The following PIP5K1C variants were observed in gnomAD, a reference collection of about 807,000 sequenced individuals.
The protein encoded by PIP5K1C is phosphatidylinositol 4-phosphate 5-kinase type-1 gamma.
A neutral mutation model predicts 80.1 loss-of-function variants in PIP5K1C; 45 were observed. The observed-to-expected ratio is 0.56, with a 90% CI of 0.44 to 0.72. The LOEUF (loss-of-function observed/expected upper bound fraction) is 0.72. Ranked by LOEUF, PIP5K1C falls within the 30% of genes least tolerant of loss-of-function variation. The pLI is 0.00. For synonymous variants in PIP5K1C, 498 were observed against 420.1 expected, an observed-to-expected ratio of 1.19 and a Z score of -2.27; for missense variants, 753 against 954.6, an observed-to-expected ratio of 0.79 and a Z score of 2.78.
At chr19:3,667,407 C>CCTGGGGCGCCAGAAGGTGGGCCGGGGG in intron 1 of PIP5K1C, 54 bp from the exon 2 acceptor site, 1 of 1,609,486 alleles carries the variant, frequency 6.2e-7, no homozygotes, top group Non-Finnish European at 8.5e-7. Flanking sequence ...CTCTGGGAGT[C>CCTGGGGCGCCAGAAGGTGGGCCGGGGG]CTGGGCCCAG....
In PIP5K1C at chr19:3,637,201, A is replaced by G. The variant is rs936667288; in HGVS notation, c.1920+1683T>C. 7.0e-7 allele frequency: 1 copy of G among 1,432,442 alleles called. No homozygotes were observed. 88.7% of individuals were successfully genotyped at this position (1,432,442 alleles called of 1,614,324 possible). ...AAGCGTCCACCCAAGACACCCTGAC[A>G]CGAGAGGGCTGGGTCCAGGGGCAGA... On this transcript the variant is annotated intron_variant, in intron 16 of 17. Transcript: ENST00000335312. The surrounding 1 kb of genome is among the most constrained non-coding windows in gnomAD (Gnocchi z 7.0).
At chr19:3,636,455 A>AGG in intron 16 of PIP5K1C, 1 of 985,504 alleles carries the variant, frequency 1.0e-6, no homozygotes, top group Non-Finnish European at 1.2e-6. Context: ...CCTTCAAGTC[A>AGG]GGTGTTTTTC....
chr19:3,651,384 G>C (rs1019049137), intron 8 of PIP5K1C, among the ~76,000 whole-genome samples: 35 of 152,182 alleles, frequency 2.3e-4, no homozygotes, highest in Non-Finnish European at 1.9e-4. Context: ...TGTGGAATCG[G>C]ATTTTGCAGT....
intron 1 of PIP5K1C, among the ~76,000 whole-genome samples, chr19:3,677,637 A>G (rs1308259813): frequency 6.7e-6 from 1 of 150,084 alleles, no homozygotes; most frequent in Non-Finnish European, 1.5e-5. Flanking sequence ...TTAAGTGTTG[A>G]CAGGTGGGGG....
At chr19:3,654,165 T>C (rs1358658446) in intron 6 of PIP5K1C, among the ~76,000 whole-genome samples, 1 of 152,194 alleles carries the variant, frequency 6.6e-6, no homozygotes, top group Non-Finnish European at 1.5e-5. Flanking sequence ...AGCCTCTATG[T>C]TGGTTATGCT....
chr19:3,678,173 G>A (rs1268629971), intron 1 of PIP5K1C, among the ~76,000 whole-genome samples: 1 of 139,360 alleles, frequency 7.2e-6, no homozygotes, highest in Non-Finnish European at 1.6e-5. Flanking sequence ...GAGAGATGGA[G>A]GGATGGAGGA....
intron 1 of PIP5K1C, among the ~76,000 whole-genome samples, chr19:3,686,771 C>T (rs893397311): frequency 6.6e-6 from 1 of 150,894 alleles, no homozygotes; most frequent in African/African-American, 2.4e-5. Context: ...AAAATAATTA[C>T]AAACTGGAAT....
chr19:3,635,599 CGCTTGAACCCAGGCCAGAGGTTGCAGTGA>C (rs2033650199), intron 16 of PIP5K1C, among the ~76,000 whole-genome samples: 2 of 149,616 alleles, frequency 1.3e-5, no homozygotes, highest in Admixed American at 1.3e-4. Flanking sequence ...GCAGAAGAAT[CGCTTGAACCCAGGCCAGAGGTTGCAGTGA>C]GCTGAAATTG....
At position 3,637,599 on chromosome 19, in the gene PIP5K1C, C is replaced by T. The variant is rs1010937235; in HGVS notation, c.1920+1285G>A. 1.3e-6 allele frequency: 2 copies of T among 1,531,764 alleles called. No individual in the cohort carries two copies. The highest frequency in any genetic ancestry group is 8.7e-7 in the Non-Finnish European group (1 of 1,144,172). 94.9% of individuals were successfully genotyped at this position (1,531,764 alleles called of 1,614,324 possible). ...GATGGCGGGGAGAGTAAATCCAGTA[C>T]CTCCCATCCGTGAACTGGACGGGGC... On this transcript the variant is annotated intron_variant, in intron 16 of 17. Coordinates refer to ENST00000335312, the MANE Select transcript of PIP5K1C (RefSeq NM_012398.3). The surrounding 1 kb of genome is among the most constrained non-coding windows in gnomAD (Gnocchi z 7.0).
intron 16 of PIP5K1C, among the ~76,000 whole-genome samples, chr19:3,635,530 A>G (rs1239728696): frequency 6.6e-6 from 1 of 152,172 alleles, no homozygotes; most frequent in East Asian, 1.9e-4. Flanking sequence ...CTAAAAATAC[A>G]AAAAATTATT....
At chr19:3,662,673 C>T (rs533935968) in intron 3 of PIP5K1C, among the ~76,000 whole-genome samples, 2 of 152,168 alleles carry the variant, frequency 1.3e-5, no homozygotes, top group East Asian at 3.9e-4. Context: ...TCAAGTGATT[C>T]TCCTGCCTCA....
chr19:3,641,168 T>C (rs970537827), intron 15 of PIP5K1C, among the ~76,000 whole-genome samples: 5 of 151,992 alleles, frequency 3.3e-5, no homozygotes, highest in East Asian at 3.9e-4. Context: ...TGAGCCAAGA[T>C]TGAGCCACTG....
At position 3,678,745 on chromosome 19, in the gene PIP5K1C, G is replaced by C. The variant is rs1165551896; in HGVS notation, c.95-11392C>G. On this transcript the variant is annotated intron_variant, in intron 1 of 17. Transcript: ENST00000335312. ...ATGGCGGGATGGCAGGATGGAGGGAGGGACAGAGGGATGGCGGGATGGCAG... is the reference window on the plus strand; with the variant it reads ...ATGGCGGGATGGCAGGATGGAGGGACGGACAGAGGGATGGCGGGATGGCAG... 2.2e-4 allele frequency among the ~76,000 whole-genome samples: 29 copies of C among 131,072 alleles called. 1 individual carries two copies. The highest frequency in any genetic ancestry group is 8.5e-4 in the African/African-American group (29 of 34,136). The allele number at this position is 131,072 out of a possible 152,430, so 86.0% of individuals were successfully genotyped here.
intron 1 of PIP5K1C, among the ~76,000 whole-genome samples, chr19:3,676,242 C>G (rs958930409): frequency 4.6e-5 from 7 of 152,174 alleles, no homozygotes; most frequent in African/African-American, 1.7e-4. Context: ...TGGTCCCCAC[C>G]GGGAAGTGAT....
intron 1 of PIP5K1C, among the ~76,000 whole-genome samples, chr19:3,671,969 C>T (rs182385781): frequency 3.3e-5 from 5 of 152,200 alleles, no homozygotes; most frequent in African/African-American, 4.8e-5. Flanking sequence ...GCTGCGGAGC[C>T]GGGAGGTGGC....
In PIP5K1C at chr19:3,637,559, C is replaced by T. The variant is rs1434609771; in HGVS notation, c.1920+1325G>A. ...ACAGTCCCCGAGGCGCTCAGCGTCACGGCCCGCAGTCGGCGATGGCGGGGA... is the reference window on the plus strand; with the variant it reads ...ACAGTCCCCGAGGCGCTCAGCGTCATGGCCCGCAGTCGGCGATGGCGGGGA... On this transcript the variant is annotated intron_variant, in intron 16 of 17. Transcript: ENST00000335312. This position sits in a 1 kb window ranked among gnomAD's most constrained non-coding sequence, Gnocchi z 7.0. The T allele has an allele frequency of 3.4e-5, 52 of 1,514,250 alleles. No homozygotes were observed. The highest frequency in any genetic ancestry group is 4.1e-5 in the Non-Finnish European group (46 of 1,133,634). The allele number at this position is 1,514,250 out of a possible 1,614,324, so 93.8% of individuals were successfully genotyped here.
chr19:3,696,087 T>C lies in PIP5K1C; in HGVS notation c.94+4210A>G, dbSNP rs1021481898. Among the ~76,000 whole-genome samples, 1 of 152,122 alleles carries C rather than the reference T, an allele frequency of 6.6e-6. No individual in the cohort carries two copies. The highest frequency in any genetic ancestry group is 2.4e-5 in the African/African-American group (1 of 41,426). On this transcript the variant is annotated intron_variant, in intron 1 of 17. Coordinates refer to ENST00000335312, the MANE Select transcript of PIP5K1C (RefSeq NM_012398.3). The surrounding 1 kb of genome is among the most constrained non-coding windows in gnomAD (Gnocchi z 4.1). ...TACAGGGAGGCCCTGGTGGCGGTGC[T>C]GACTCCCTGCCCGGCCGCCCTGTGA...
chr19:3,635,452 G>C (rs891803099), intron 16 of PIP5K1C, among the ~76,000 whole-genome samples: 10 of 152,252 alleles, frequency 6.6e-5, no homozygotes, highest in African/African-American at 2.2e-4. Flanking sequence ...GGGAGGCCGA[G>C]GTGGGCAGAT....
At chr19:3,687,669 G>A (rs557963387) in intron 1 of PIP5K1C, among the ~76,000 whole-genome samples, 12 of 152,284 alleles carry the variant, frequency 7.9e-5, no homozygotes, top group African/African-American at 2.4e-4. Flanking sequence ...AGCAAGGAAG[G>A]GGTGAGGTGG....
Sources: allele counts gnomAD v4.1 joint callset (sites outside exome capture counted in the v4.1 genomes callset), GRCh38; gene constraint gnomAD v4.1.1; non-coding constraint Gnocchi (gnomAD v3.1); transcripts MANE v1.5; gene names NCBI Gene and HGNC (gene_info 2026-07-23, HGNC 2026-07-21).